ZNF462: variants seen among roughly 807,000 people sequenced by gnomAD.
ZNF462 encodes the protein zinc finger PBX1-interacting protein.
In ZNF462, 10 loss-of-function variants were observed where a neutral mutation model predicts 201.9. The observed-to-expected ratio is 0.05, with a 90% CI of 0.03 to 0.08. The LOEUF is 0.08. Ranked by LOEUF, ZNF462 falls within the 10% of genes least tolerant of loss-of-function variation. The pLI is 1.00. For missense variants in ZNF462, 2,523 were observed against 3,168.3 expected, an observed-to-expected ratio of 0.80 and a Z score of 4.89; for synonymous variants, 1,227 against 1,193.3, an observed-to-expected ratio of 1.03 and a Z score of -0.58.
chr9:106,862,400 C>A (rs1827095244), upstream of ZNF462, among the ~76,000 whole-genome samples: 1 of 152,128 alleles, frequency 6.6e-6, no homozygotes, highest in East Asian at 1.9e-4. This position sits in a 1 kb window ranked among gnomAD's most constrained non-coding sequence, Gnocchi z 4.2. Flanking sequence ...TCACCGGGGG[C>A]TTCCTCTGCG....
chr9:106,903,726 G>A (rs528801224), intron 1 of ZNF462, among the ~76,000 whole-genome samples: 3 of 152,262 alleles, frequency 2.0e-5, no homozygotes, highest in Non-Finnish European at 2.9e-5. Context: ...TGTTTTGTCT[G>A]ATATAAGAAT....
Position 107,009,715 on chromosome 9 carries a change from G to T in ZNF462, c.7313+47G>T. On this transcript the variant is annotated intron_variant, in intron 12 of 12. Transcript: ENST00000277225. The surrounding 1 kb of genome is among the most constrained non-coding windows in gnomAD (Gnocchi z 6.1). ...ATGCCTTTGTCCAAAGCAAGAGGTAGGGAGGGAGGGAGGGGCTCTTGTTTT... is the reference window on the plus strand; with the variant it reads ...ATGCCTTTGTCCAAAGCAAGAGGTATGGAGGGAGGGAGGGGCTCTTGTTTT... The T allele has an allele frequency of 2.5e-6, 4 of 1,578,708 alleles. No individual in the cohort carries two copies. The highest frequency in any genetic ancestry group is 2.2e-5 in the South Asian group (2 of 89,284).
At chr9:106,888,059 T>G (rs1241639541) in intron 1 of ZNF462, among the ~76,000 whole-genome samples, 1 of 145,230 alleles carries the variant, frequency 6.9e-6, no homozygotes, top group African/African-American at 2.6e-5. Flanking sequence ...TTTTTTTTTT[T>G]GAGACGGAGT....
rs1830588880 is a variant in ZNF462 at position 106,935,331 on chromosome 9, G to A, written c.6117-172G>A. On this transcript the variant is annotated intron_variant, in intron 5 of 12. Coordinates refer to ENST00000277225, the MANE Select transcript of ZNF462 (RefSeq NM_021224.6). The surrounding 1 kb of genome is among the most constrained non-coding windows in gnomAD (Gnocchi z 4.1). ...TTTAGCTTCCTGTCCTCTTAGAGTA[G>A]GTACAACTCTTGAAAATTAATTAAT... Among the ~76,000 whole-genome samples, 2 of 152,118 alleles carry A rather than the reference G, an allele frequency of 1.3e-5. No homozygotes were observed. Among genetic ancestry groups the A allele is most frequent in the East Asian group, 3.9e-4 (2 of 5,188 alleles).
rs117434980 is a variant in ZNF462, at chr9:106,930,790, C to T, written c.6012+101C>T. ...GCTCAGGAAAGAGCATCTCAGAATG[C>T]GGGCATTCCTGAATTATGCTTGGAT... On this transcript the variant is annotated intron_variant, in intron 4 of 12. Transcript: ENST00000277225. This position sits in a 1 kb window ranked among gnomAD's most constrained non-coding sequence, Gnocchi z 5.8. The T allele has an allele frequency of 3.2e-3, 4,466 of 1,393,894 alleles. 5 individuals are homozygous for T. Among genetic ancestry groups the T allele is most frequent in the Non-Finnish European group, 4.0e-3 (4,039 of 1,018,394 alleles). The allele number at this position is 1,393,894 out of a possible 1,614,324, so 86.3% of individuals were successfully genotyped here.
chr9:106,946,051 T>C (rs1285024588), intron 7 of ZNF462, among the ~76,000 whole-genome samples: 2 of 152,238 alleles, frequency 1.3e-5, no homozygotes, highest in Non-Finnish European at 2.9e-5. Flanking sequence ...AGGCTTTCCA[T>C]GTCCTGGGAA....
Position 107,009,215 on chromosome 9 carries a change from A to G in ZNF462, c.7190-330A>G. The G allele has an allele frequency of 3.4e-6, 1 of 290,464 alleles. No homozygotes were observed. The highest frequency in any genetic ancestry group is 6.5e-6 in the Non-Finnish European group (1 of 153,570). 18.0% of individuals were successfully genotyped at this position (290,464 alleles called of 1,614,324 possible). ...TGATATAAATCATCACACAAGGGAG[A>G]GAATAAATCGGAAAAAATAATGCTC... On this transcript the variant is annotated intron_variant, in intron 11 of 12. Coordinates refer to ENST00000277225, the MANE Select transcript of ZNF462 (RefSeq NM_021224.6). This position sits in a 1 kb window ranked among gnomAD's most constrained non-coding sequence, Gnocchi z 6.1.
rs1298088193 is a variant in ZNF462, at chr9:107,011,248, T to C, written c.*218T>C. 7.6e-6 allele frequency: 4 copies of C among 526,284 alleles called. No homozygotes were observed. The African/African-American group carries it at 7.6e-5, about 10-fold the overall frequency. The allele number at this position is 526,284 out of a possible 1,614,324, so 32.6% of individuals were successfully genotyped here. A position where few individuals can be genotyped will look rare whatever the true frequency, so the allele number is the denominator to read the frequency against. ...GAATATGTGGCTCCTTTTCCATCACTACATCTTTTCTTCCGGATCTTCATC... is the reference window on the plus strand; with the variant it reads ...GAATATGTGGCTCCTTTTCCATCACCACATCTTTTCTTCCGGATCTTCATC... On this transcript the variant is annotated 3_prime_UTR_variant, in exon 13 of 13. Transcript: ENST00000277225. The surrounding 1 kb of genome is among the most constrained non-coding windows in gnomAD (Gnocchi z 5.6).
rs1827841554 is a variant in ZNF462, at chr9:106,876,642, A to G, written c.-31+13287A>G. Among the ~76,000 whole-genome samples the G allele has an allele frequency of 1.3e-5, 2 of 152,194 alleles. No individual in the cohort carries two copies. Among genetic ancestry groups the G allele is most frequent in the South Asian group, 4.1e-4 (2 of 4,826 alleles). ...GATGCCATTTCCTCTTGGAAAAAGT[A>G]CATTTATATGGTAACAACGCCTTCA... On this transcript the variant is annotated intron_variant, in intron 1 of 12. Coordinates refer to ENST00000277225, the MANE Select transcript of ZNF462 (RefSeq NM_021224.6). This position sits in a 1 kb window ranked among gnomAD's most constrained non-coding sequence, Gnocchi z 4.9.
At chr9:106,860,457 T>C (rs1325841660), upstream of ZNF462, among the ~76,000 whole-genome samples, 3 of 151,980 alleles carry the variant, frequency 2.0e-5, no homozygotes, top group African/African-American at 7.2e-5. The surrounding 1 kb of genome is among the most constrained non-coding windows in gnomAD (Gnocchi z 7.1). Context: ...ACCTCGTCGC[T>C]CCTTTCTCCC....
chr9:106,979,901 A>G (rs938033563), intron 9 of ZNF462, among the ~76,000 whole-genome samples: 9 of 152,276 alleles, frequency 5.9e-5, no homozygotes, highest in African/African-American at 1.7e-4. Flanking sequence ...TGGCATATTA[A>G]CTTAAAGTTT....
chr9:106,991,376 C>T (rs1828258128), intron 10 of ZNF462, among the ~76,000 whole-genome samples: 1 of 151,980 alleles, frequency 6.6e-6, no homozygotes, highest in African/African-American at 2.4e-5. Flanking sequence ...CTGAAAACTA[C>T]AGTGTTGCTG....
chr9:106,897,750 A>G (rs560484817), intron 1 of ZNF462, among the ~76,000 whole-genome samples: 1 of 152,330 alleles, frequency 6.6e-6, no homozygotes, highest in East Asian at 1.9e-4. Flanking sequence ...AAAATGCCAG[A>G]TCTGCTAGAC....
intron 7 of ZNF462, among the ~76,000 whole-genome samples, chr9:106,940,269 A>G (rs1369288765): frequency 2.0e-5 from 3 of 152,212 alleles, no homozygotes; most frequent in Non-Finnish European, 4.4e-5. Context: ...TAGGAATTTA[A>G]TAAAAGGCCG....
chr9:106,939,546 G>A (rs923371712), intron 7 of ZNF462, among the ~76,000 whole-genome samples: 1 of 152,186 alleles, frequency 6.6e-6, no homozygotes, highest in Non-Finnish European at 1.5e-5. Flanking sequence ...GAGTGCAAAG[G>A]GTGAATGAGT....
Position 106,930,420 on chromosome 9 carries a change from C to T in ZNF462, c.5848-105C>T, listed in dbSNP as rs1407398648. On this transcript the variant is annotated intron_variant, in intron 3 of 12. Transcript: ENST00000277225. This position sits in a 1 kb window ranked among gnomAD's most constrained non-coding sequence, Gnocchi z 5.8. ...GCCTATATCTCCCTTGGTTTTTAAC[C>T]TGCTAATCGGCTTTAAAATAAAGTA... 6.3e-6 allele frequency: 9 copies of T among 1,438,200 alleles called. No individual in the cohort carries two copies. In the Admixed American group the frequency reaches 1.3e-4, roughly 22 times the overall value. The allele number at this position is 1,438,200 out of a possible 1,614,324, so 89.1% of individuals were successfully genotyped here. A position where few individuals can be genotyped will look rare whatever the true frequency, so the allele number is the denominator to read the frequency against.
chr9:106,863,561 A>AGGAGGG (rs1827150621), intron 1 of ZNF462, among the ~76,000 whole-genome samples: 1 of 140,424 alleles, frequency 7.1e-6, no homozygotes, highest in African/African-American at 2.6e-5. Flanking sequence ...GAGGGAGAGC[A>AGGAGGG]GGAGGGGGAG....
rs1831288678 is a variant in ZNF462, at chr9:106,950,372, A to G, written c.6427+11265A>G. On this transcript the variant is annotated intron_variant, in intron 7 of 12. Transcript: ENST00000277225. The surrounding 1 kb of genome is among the most constrained non-coding windows in gnomAD (Gnocchi z 4.1). ...CTGCAGTCTATCTTACTTGTCCCAAACTAAATGGAGTGAGCAGCTGTGTGG... is the reference window on the plus strand; with the variant it reads ...CTGCAGTCTATCTTACTTGTCCCAAGCTAAATGGAGTGAGCAGCTGTGTGG... Among the ~76,000 whole-genome samples, 1 of 152,184 alleles carries G rather than the reference A, an allele frequency of 6.6e-6. No individual in the cohort carries two copies. Among genetic ancestry groups the G allele is most frequent in the Admixed American group, 6.5e-5 (1 of 15,280 alleles).
rs1037156760 is a variant in ZNF462, at chr9:107,006,118, G to A, written c.7189+2692G>A. On this transcript the variant is annotated intron_variant, in intron 11 of 12. Coordinates refer to ENST00000277225, the MANE Select transcript of ZNF462 (RefSeq NM_021224.6). This position sits in a 1 kb window ranked among gnomAD's most constrained non-coding sequence, Gnocchi z 4.3. ...AGTCAACTTTGAAGTCGGGTAGGGT[G>A]GTGCCTCCAACTTCGTTCTGTTTGT... Among the ~76,000 whole-genome samples the A allele has an allele frequency of 1.3e-5, 2 of 152,050 alleles. No homozygotes were observed. Among genetic ancestry groups the A allele is most frequent in the Non-Finnish European group, 2.9e-5 (2 of 68,020 alleles).
Sources: gnomAD v4.1 joint callset for allele counts (sites outside exome capture counted in the v4.1 genomes callset) on GRCh38, gnomAD v4.1.1 for gene constraint, Gnocchi (gnomAD v3.1) non-coding constraint, MANE v1.5 for transcripts, NCBI Gene and HGNC (gene_info 2026-07-23, HGNC 2026-07-21) for gene names.